Variants in BICDL1 observed in about 807,000 individuals in gnomAD.
BICDL1 encodes the protein BICD family-like cargo adapter 1.
A neutral mutation model predicts 76.8 loss-of-function variants in BICDL1; 20 were observed. That is an observed-to-expected ratio of 0.26 (90% confidence interval 0.18 to 0.38). BICDL1 has a LOEUF of 0.38. Among genes scored for constraint, BICDL1 ranks in the 10% least tolerant of loss-of-function variants. The probability of loss-of-function intolerance (pLI) is 1.00; values close to 1 mark genes in which losing one functional copy is unlikely to be tolerated. For synonymous variants in BICDL1, 383 were observed against 337.1 expected, an observed-to-expected ratio of 1.14 and a Z score of -1.49; for missense variants, 700 against 798.6, an observed-to-expected ratio of 0.88 and a Z score of 1.49.
intron 2 of BICDL1, among the ~76,000 whole-genome samples, chr12:120,030,097 A>G (rs1462409678): frequency 2.6e-5 from 4 of 152,208 alleles, no homozygotes; most frequent in African/African-American, 7.2e-5. Context: ...CAAAATGATT[A>G]CCACAACCTA....
chr12:120,071,139 CTTTTTTCT>C lies in BICDL1; in HGVS notation c.910-469_910-462del, dbSNP rs1349406801. 2.6e-5 allele frequency among the ~76,000 whole-genome samples: 4 copies of C among 151,534 alleles called. No homozygotes were observed. The highest frequency in any genetic ancestry group is 2.0e-4 in the Admixed American group (3 of 15,206). On this transcript the variant is annotated intron_variant, in intron 4 of 9. Transcript: ENST00000548673. This position sits in a 1 kb window ranked among gnomAD's most constrained non-coding sequence, Gnocchi z 4.8. ...GGAGTTGTTTGTCCTATAGAATTTT[CTTTTTTCT>C]TTTTTTCTTTTTTGAGGTGGCGTCT...
chr12:120,076,823 G>T lies in BICDL1; in HGVS notation c.1452+2237G>T, dbSNP rs80258399. On this transcript the variant is annotated intron_variant, in intron 7 of 9. Transcript: ENST00000548673. Reference sequence around the variant, plus strand: ...TAGGGTGCAGATTGAGTCCCAGAATGACTGCAGAAATTGCAGCCATCACAG... The same window carrying T: ...TAGGGTGCAGATTGAGTCCCAGAATTACTGCAGAAATTGCAGCCATCACAG... Among the ~76,000 whole-genome samples the T allele has an allele frequency of 3.9e-5, 6 of 152,362 alleles. No individual in the cohort carries two copies. The East Asian group carries it at 1.2e-3, about 29-fold the overall frequency.
chr12:120,039,186 AC>A (rs896091147), intron 2 of BICDL1, among the ~76,000 whole-genome samples: 2 of 151,856 alleles, frequency 1.3e-5, no homozygotes, highest in Non-Finnish European at 2.9e-5. Flanking sequence ...AGTCCCAGCT[AC>A]TTGTGAGGCT....
At chr12:120,072,952 C>T (rs140173436) in intron 6 of BICDL1, among the ~76,000 whole-genome samples, 1 of 152,324 alleles carries the variant, frequency 6.6e-6, no homozygotes, top group East Asian at 1.9e-4. Flanking sequence ...CTCACTGCAA[C>T]CTCTGCCTCT....
chr12:120,091,209 G>A (rs958534771), intron 9 of BICDL1: 2 of 1,182,892 alleles, frequency 1.7e-6, no homozygotes, highest in Non-Finnish European at 2.1e-6. Flanking sequence ...TCAGCAGTGT[G>A]TGGCCCAGTG....
intron 2 of BICDL1, among the ~76,000 whole-genome samples, chr12:120,058,951 C>T (rs1048413027): frequency 1.3e-5 from 2 of 151,954 alleles, no homozygotes; most frequent in Non-Finnish European, 2.9e-5. Context: ...AGAAGAAAAG[C>T]CTTGCTAAAT....
Position 120,074,539 on chromosome 12 carries a change from G to A in BICDL1, c.1405G>A (p.Gly469Ser), listed in dbSNP as rs1406931582. 4 of 1,274,706 alleles carry A rather than the reference G, an allele frequency of 3.1e-6. No homozygotes were observed. In the Admixed American group the frequency reaches 7.2e-5, roughly 23 times the overall value. 79.0% of individuals were successfully genotyped at this position (1,274,706 alleles called of 1,614,324 possible). A position where few individuals can be genotyped will look rare whatever the true frequency, so the allele number is the denominator to read the frequency against. Residue 469 changes from glycine (G) to serine (S), a missense_variant, in exon 7 of 10, where the codon GGT (glycine) becomes AGT (serine). Transcript: ENST00000548673. ...ALRELMEGER[G>S]KLRQSLEELQ... ...AAGGGAGCTCATGGAGGGAGAGAGG[G>A]GTAAACTGAGGCAAAGCCTAGAAGA... is the stretch of plus-strand genomic sequence containing the variant.
chr12:120,086,308 G>A (rs565128445), intron 8 of BICDL1, among the ~76,000 whole-genome samples: 3 of 152,210 alleles, frequency 2.0e-5, no homozygotes, highest in Non-Finnish European at 4.4e-5. Flanking sequence ...GAGACGACAA[G>A]CCTAAGGAAT....
chr12:120,091,468 G>A (rs775724490), intron 9 of BICDL1: 4 of 998,884 alleles, frequency 4.0e-6, no homozygotes, highest in East Asian at 1.1e-4. Context: ...TGAGCACGTC[G>A]TAAGTGCAGG....
intron 2 of BICDL1, among the ~76,000 whole-genome samples, chr12:120,060,927 G>A (rs1385463826): frequency 2.6e-5 from 4 of 152,046 alleles, no homozygotes; most frequent in African/African-American, 7.2e-5. Context: ...ACCCCATTTG[G>A]CCTCAAAAAA....
intron 2 of BICDL1, among the ~76,000 whole-genome samples, chr12:120,060,422 C>G (rs1345655826): frequency 6.6e-6 from 1 of 152,126 alleles, no homozygotes; most frequent in Non-Finnish European, 1.5e-5. Context: ...TGAAATTGTT[C>G]ATTTCCAATA....
chr12:119,989,633 C>T lies in BICDL1; in HGVS notation c.-236C>T, dbSNP rs1361985085. Among the ~76,000 whole-genome samples the T allele has an allele frequency of 2.7e-5, 4 of 149,230 alleles. No individual in the cohort carries two copies. Among genetic ancestry groups the T allele is most frequent in the African/African-American group, 7.3e-5 (3 of 41,110 alleles). ...TACTCCGCCACTACCCCCACCCCCT[C>T]CTCCCGCGCGCGCCTGAGCAGCTGA... On this transcript the variant is annotated 5_prime_UTR_variant, in exon 1 of 10. Coordinates refer to ENST00000548673, the MANE Select transcript of BICDL1 (RefSeq NM_001367886.1).
rs935622931 is a variant in BICDL1, at chr12:120,092,990, C to T, written c.1705-10C>T. The T allele has an allele frequency of 3.9e-6, 6 of 1,545,580 alleles. No homozygotes were observed. The highest frequency in any genetic ancestry group is 4.4e-6 in the Non-Finnish European group (5 of 1,144,284). The stretch of plus-strand genomic sequence containing the variant: ...ACTCAGTCCTGGCCACTGTCCCCTC[C>T]CCTCTGCAGGATGACATGCACAGGG... On this transcript the variant is annotated splice_polypyrimidine_tract_variant and intron_variant, in intron 9 of 9. Coordinates refer to ENST00000548673, the MANE Select transcript of BICDL1 (RefSeq NM_001367886.1).
intron 8 of BICDL1, among the ~76,000 whole-genome samples, chr12:120,087,633 G>A (rs1874538466): frequency 6.6e-6 from 1 of 152,196 alleles, no homozygotes. Flanking sequence ...TTAAGGGAGC[G>A]ATTAATGAAG....
chr12:120,037,135 G>A (rs1392493282), intron 2 of BICDL1, among the ~76,000 whole-genome samples: 2 of 152,186 alleles, frequency 1.3e-5, no homozygotes, highest in Non-Finnish European at 2.9e-5. Flanking sequence ...GTTACTCAGT[G>A]CCTAACATGT....
At chr12:120,050,244 G>A (rs552999903) in intron 2 of BICDL1, among the ~76,000 whole-genome samples, 37 of 151,404 alleles carry the variant, frequency 2.4e-4, no homozygotes, top group Admixed American at 1.3e-3. Flanking sequence ...GAGCTTTATA[G>A]ATCTATTCTC....
intron 4 of BICDL1, among the ~76,000 whole-genome samples, chr12:120,069,279 T>A (rs1429266633): frequency 6.6e-6 from 1 of 152,202 alleles, no homozygotes; most frequent in South Asian, 2.1e-4. Flanking sequence ...AGAAAAGGAC[T>A]GAGAGAGAAC....
chr12:120,011,082 G>A (rs141857145), intron 2 of BICDL1, among the ~76,000 whole-genome samples: 21 of 152,142 alleles, frequency 1.4e-4, no homozygotes, highest in African/African-American at 4.8e-4. Context: ...AGTGGTCAGT[G>A]GCTCTTAGTT....
At chr12:119,991,180 C>A (rs893955557) in intron 1 of BICDL1, among the ~76,000 whole-genome samples, 1 of 152,110 alleles carries the variant, frequency 6.6e-6, no homozygotes, top group Non-Finnish European at 1.5e-5. Flanking sequence ...GAGGGAGTCA[C>A]CTGTGACTTA....
Sources: allele counts gnomAD v4.1 joint callset (sites outside exome capture counted in the v4.1 genomes callset), GRCh38; gene constraint gnomAD v4.1.1; non-coding constraint Gnocchi (gnomAD v3.1); transcripts MANE v1.5; gene names NCBI Gene and HGNC (gene_info 2026-07-23, HGNC 2026-07-21).